RBM20: variants seen among roughly 807,000 people sequenced by gnomAD.
RBM20 encodes the protein RNA binding motif protein 20.
In RBM20, 51 loss-of-function variants were observed where a neutral mutation model predicts 110.1. That is an observed-to-expected ratio of 0.46 (90% CI 0.37 to 0.59). The LOEUF (loss-of-function observed/expected upper bound fraction) is 0.59. Ranked by LOEUF, RBM20 falls within the 20% of genes least tolerant of loss-of-function variation. The pLI, the probability that RBM20 is intolerant of heterozygous loss-of-function variation, is 0.00. For missense variants in RBM20, 1,512 were observed against 1,574.9 expected (o/e 0.96, Z 0.68); for synonymous variants, 589 against 618.2 (o/e 0.95, Z 0.70).
chr10:110,822,790 A>AT (rs1189206698), intron 11 of RBM20, among the ~76,000 whole-genome samples: 2 of 151,708 alleles, frequency 1.3e-5, no homozygotes, highest in African/African-American at 4.8e-5. Context: ...GAGGCTTGGG[A>AT]TTTTTTCCAT....
intron 1 of RBM20, among the ~76,000 whole-genome samples, chr10:110,672,878 CT>C (rs1862282867): frequency 6.6e-6 from 1 of 152,156 alleles, no homozygotes; most frequent in African/African-American, 2.4e-5. Context: ...AGTTCCTTTG[CT>C]TTTTTGTCTA....
At chr10:110,785,585 C>T (rs937990775) in intron 5 of RBM20, among the ~76,000 whole-genome samples, 2 of 152,120 alleles carry the variant, frequency 1.3e-5, no homozygotes, top group Admixed American at 1.3e-4. Context: ...ACCATTTTCT[C>T]CATTGTCATT....
chr10:110,731,383 T>C (rs984949038), intron 1 of RBM20, among the ~76,000 whole-genome samples: 7 of 152,236 alleles, frequency 4.6e-5, no homozygotes, highest in Non-Finnish European at 1.0e-4. Context: ...AAGAATGGAC[T>C]CAATGAAGAG....
In RBM20 at chr10:110,767,544, C is replaced by T. The variant is rs555093610; in HGVS notation, c.192-13257C>T. 9.6e-3 allele frequency among the ~76,000 whole-genome samples: 1,410 copies of T among 146,446 alleles called. 19 individuals are homozygous for T. The highest frequency in any genetic ancestry group is 0.031 in the African/African-American group (1,177 of 38,458). On this transcript the variant is annotated intron_variant, in intron 1 of 13. Coordinates refer to ENST00000369519, the MANE Select transcript of RBM20 (RefSeq NM_001134363.3). ...CTCACTTCTCAGACGGGGCGGCTGC[C>T]GGGCGGAGGGGCTCCTCACTTCTCA...
chr10:110,662,011 G>GA, intron 1 of RBM20, among the ~76,000 whole-genome samples: 1 of 146,838 alleles, frequency 6.8e-6, no homozygotes. Context: ...ACTGGTCTCA[G>GA]GAAAAAAAAA....
Position 110,711,173 on chromosome 10 carries a change from T to C in RBM20, c.191+66528T>C, listed in dbSNP as rs533014800. Among the ~76,000 whole-genome samples the C allele has an allele frequency of 1.2e-4, 11 of 90,856 alleles. No homozygotes were observed. The East Asian group carries it at 0.015, about 127-fold the overall frequency. The allele number at this position is 90,856 out of a possible 152,430, so 59.6% of individuals were successfully genotyped here. A position where few individuals can be genotyped will look rare whatever the true frequency, so the allele number is the denominator to read the frequency against. ...GGTGAAATCCCGTCTCTACTAAAAATACAAAAATTAGCTGGGCGTGGTGGT... is the reference window on the plus strand; with the variant it reads ...GGTGAAATCCCGTCTCTACTAAAAACACAAAAATTAGCTGGGCGTGGTGGT... On this transcript the variant is annotated intron_variant, in intron 1 of 13. Transcript: ENST00000369519.
intron 1 of RBM20, among the ~76,000 whole-genome samples, chr10:110,756,216 G>A (rs914888205): frequency 5.3e-5 from 8 of 152,200 alleles, no homozygotes; most frequent in African/African-American, 1.9e-4. Flanking sequence ...ATTCTTGACT[G>A]TTCAGTCCTC....
At chr10:110,768,697 G>A (rs925736245) in intron 1 of RBM20, among the ~76,000 whole-genome samples, 2 of 152,182 alleles carry the variant, frequency 1.3e-5, no homozygotes, top group Non-Finnish European at 2.9e-5. Context: ...ATAGGCACTT[G>A]GGAGTTTGAA....
At chr10:110,758,723 GAGGAGCTGTGTTTTAAAT>G (rs1305345673) in intron 1 of RBM20, among the ~76,000 whole-genome samples, 2 of 152,194 alleles carry the variant, frequency 1.3e-5, no homozygotes, top group Non-Finnish European at 2.9e-5. Context: ...TAACGCAACT[GAGGAGCTGTGTTTTAAAT>G]TTAATATTAA....
intron 5 of RBM20, among the ~76,000 whole-genome samples, chr10:110,790,612 T>C (rs1393716049): frequency 1.3e-5 from 2 of 152,240 alleles, no homozygotes; most frequent in African/African-American, 4.8e-5. Flanking sequence ...TTAGTAAAAG[T>C]AATTTTTTGG....
At chr10:110,752,945 A>ATTTTTTT (rs71492062) in intron 1 of RBM20, among the ~76,000 whole-genome samples, 9 of 109,012 alleles carry the variant, frequency 8.3e-5, no homozygotes, top group Admixed American at 3.3e-4. Flanking sequence ...ATATATATAT[A>ATTTTTTT]TTTTTTTTTT....
chr10:110,668,069 AT>A, intron 1 of RBM20, among the ~76,000 whole-genome samples: 1 of 152,342 alleles, frequency 6.6e-6, no homozygotes, highest in African/African-American at 2.4e-5. Flanking sequence ...TCTTTAGGGC[AT>A]GTTCATCACC....
chr10:110,646,920 A>G (rs1861876646), intron 1 of RBM20, among the ~76,000 whole-genome samples: 2 of 152,344 alleles, frequency 1.3e-5, no homozygotes, highest in African/African-American at 4.8e-5. Context: ...TGGAACACAT[A>G]TTAAATATTA....
chr10:110,646,589 G>A (rs1478047548), intron 1 of RBM20, among the ~76,000 whole-genome samples: 2 of 152,204 alleles, frequency 1.3e-5, no homozygotes, highest in East Asian at 1.9e-4. Context: ...GCGCACTGAC[G>A]TTTCAGTCTT....
chr10:110,730,379 A>G (rs1475748160), intron 1 of RBM20, among the ~76,000 whole-genome samples: 1 of 152,212 alleles, frequency 6.6e-6, no homozygotes, highest in Non-Finnish European at 1.5e-5. Flanking sequence ...CCTGGCTTGG[A>G]GATCCCCCGA....
chr10:110,726,005 G>T (rs1481215397), intron 1 of RBM20, among the ~76,000 whole-genome samples: 1 of 151,630 alleles, frequency 6.6e-6, no homozygotes, highest in Non-Finnish European at 1.5e-5. Context: ...CATCTTGGGG[G>T]CAGATGTGCT....
intron 13 of RBM20, among the ~76,000 whole-genome samples, chr10:110,834,954 G>A (rs559803462): frequency 1.3e-5 from 2 of 152,282 alleles, no homozygotes; most frequent in East Asian, 3.9e-4. Context: ...TCATGCAGAG[G>A]CAGCCCTCAA....
At chr10:110,833,704 G>A (rs1287589304) in intron 13 of RBM20, among the ~76,000 whole-genome samples, 1 of 152,208 alleles carries the variant, frequency 6.6e-6, no homozygotes, top group African/African-American at 2.4e-5. Flanking sequence ...CACGCCCCCA[G>A]GCAGACTCCC....
In RBM20 at chr10:110,719,858, C is replaced by A. The variant is rs79723908; in HGVS notation, c.192-60943C>A. Among the ~76,000 whole-genome samples, 59 of 152,264 alleles carry A rather than the reference C, an allele frequency of 3.9e-4. 2 individuals carry two copies. In the East Asian group the frequency reaches 0.01, roughly 27 times the overall value. On this transcript the variant is annotated intron_variant, in intron 1 of 13. Coordinates refer to ENST00000369519, the MANE Select transcript of RBM20 (RefSeq NM_001134363.3). ...AGCATTCCTCCTCCTTCTCCCACCT[C>A]TGTCTTATTCTGTTTGGGCTGTCTT...
Sources: allele counts gnomAD v4.1 joint callset (sites outside exome capture counted in the v4.1 genomes callset), GRCh38; gene constraint gnomAD v4.1.1; transcripts MANE v1.5; gene names NCBI Gene and HGNC (gene_info 2026-07-23, HGNC 2026-07-21).